TOP1MT: variants seen among roughly 807,000 people sequenced by gnomAD.
The protein encoded by TOP1MT is DNA topoisomerase I, mitochondrial.
Under a neutral mutation model 73.9 loss-of-function variants are expected in TOP1MT, and 80 were observed. That is an observed-to-expected ratio of 1.08 (90% CI 0.90 to 1.30). The LOEUF (loss-of-function observed/expected upper bound fraction) is 1.30, where lower values mean the gene tolerates loss of function less well. TOP1MT is among the 50% of genes most tolerant of loss of function. The pLI, the probability that TOP1MT is intolerant of heterozygous loss-of-function variation, is 0.00. For missense variants in TOP1MT, 815 were observed against 808.0 expected (o/e 1.01, Z -0.10); for synonymous variants, 338 against 326.4 (o/e 1.04, Z -0.38).
chr8:143,343,374 G>A (rs1030540974), intron 1 of TOP1MT: 2 of 432,664 alleles, frequency 4.6e-6, no homozygotes, highest in Non-Finnish European at 4.7e-6. Flanking sequence ...ACAACCTCAT[G>A]GAAGCCTCCC....
upstream of TOP1MT, among the ~76,000 whole-genome samples, chr8:143,359,005 C>A (rs2931711): frequency 8.1e-6 from 1 of 124,098 alleles, no homozygotes; most frequent in Non-Finnish European, 1.5e-5. Flanking sequence ...TTTTTGTTTT[C>A]TGTTTTTTGG....
chr8:143,346,213 C>T (rs999478904), upstream of TOP1MT, among the ~76,000 whole-genome samples: 4 of 152,184 alleles, frequency 2.6e-5, no homozygotes, highest in African/African-American at 9.7e-5. Flanking sequence ...AAGGCAATGC[C>T]AGGCCTCCTG....
chr8:143,342,636 TC>T (rs1367812129), intron 2 of TOP1MT, among the ~76,000 whole-genome samples: 11 of 28,372 alleles, frequency 3.9e-4, no homozygotes, highest in East Asian at 2.7e-3. Flanking sequence ...AGAGACAGTC[TC>T]GCTCTATTAT....
chr8:143,326,257 C>T lies in TOP1MT; in HGVS notation c.448G>A (p.Ala150Thr), dbSNP rs780725810. 37 of 1,613,830 alleles carry T rather than the reference C, an allele frequency of 2.3e-5. No homozygotes were observed. The highest frequency in any genetic ancestry group is 3.0e-5 in the Non-Finnish European group (35 of 1,180,014). ...TCCCTGCTCAGGACTTTCCGGGCTG[C>T]GGCCTTGTCCACAAAGTATCTGTGG... ...EIHRYFVDKA[A>T]ARKVLSREEK... Residue 150 changes from alanine to threonine, a missense_variant, in exon 4 of 14, where the codon GCA (alanine) becomes ACA (threonine). Physicochemically the swap from Ala to Thr is moderately conservative, Grantham distance 58. This residue lies in a region of TOP1MT where 751 missense variants were observed against 725.4 expected (regional missense o/e 1.04). Coordinates refer to ENST00000329245, the MANE Select transcript of TOP1MT (RefSeq NM_052963.3).
At chr8:143,325,935 C>T (rs34617726) in intron 4 of TOP1MT, among the ~76,000 whole-genome samples, 17,347 of 152,238 alleles carry the variant, frequency 0.11, 1,577 homozygotes, top group East Asian at 0.37. Context: ...CAGCAAGAAG[C>T]CGACTGGCCT....
At chr8:143,349,205 C>G (rs1409470950), upstream of TOP1MT, among the ~76,000 whole-genome samples, 1 of 152,118 alleles carries the variant, frequency 6.6e-6, no homozygotes, top group African/African-American at 2.4e-5. Context: ...TATGAAAACT[C>G]ATTATACAAA....
chr8:143,353,963 C>CCAAAAAA (rs1309020931), intron 1 of TOP1MT, among the ~76,000 whole-genome samples: 2 of 47,606 alleles, frequency 4.2e-5, no homozygotes, highest in African/African-American at 2.1e-4. Context: ...GACTCCATCC[C>CCAAAAAA]AAAAAAAAAA....
intron 1 of TOP1MT, among the ~76,000 whole-genome samples, chr8:143,333,161 TA>T (rs1347240806): frequency 1.3e-5 from 2 of 149,886 alleles, no homozygotes; most frequent in Non-Finnish European, 3.0e-5. Context: ...AACTAACTGA[TA>T]GGAGCCAGGC....
Position 143,341,834 on chromosome 8 carries a change from CTCT to C in TOP1MT, c.29+1383_29+1385del, listed in dbSNP as rs1019139905. Among the ~76,000 whole-genome samples the C allele has an allele frequency of 1.5e-5, 2 of 135,520 alleles. No individual in the cohort carries two copies. The highest frequency in any genetic ancestry group is 3.4e-5 in the Non-Finnish European group (2 of 59,644). 88.9% of individuals were successfully genotyped at this position (135,520 alleles called of 152,430 possible). On this transcript the variant is annotated intron_variant, in intron 2 of 5. Transcript: ENST00000518007. This position sits in a 1 kb window ranked among gnomAD's most constrained non-coding sequence, Gnocchi z 4.1. ...AGTGCTTCCTTCTTCCTTCTTCTTC[CTCT>C]TCTTCCTCCTCCTCCTCCTTCCTCT...
At chr8:143,342,747 G>GTTA (rs757521292) in intron 2 of TOP1MT, among the ~76,000 whole-genome samples, 4 of 96,338 alleles carry the variant, frequency 4.2e-5, no homozygotes, top group East Asian at 3.2e-4. Context: ...GTCTCGCTCT[G>GTTA]TTATTATTAT....
chr8:143,340,277 G>C (rs1817053811), intron 2 of TOP1MT, among the ~76,000 whole-genome samples: 1 of 36,766 alleles, frequency 2.7e-5, no homozygotes, highest in African/African-American at 5.8e-5. Context: ...GGTCTACACA[G>C]CATTCCCCCC....
At chr8:143,350,678 G>A (rs772428836) in intron 1 of TOP1MT, among the ~76,000 whole-genome samples, 12 of 152,158 alleles carry the variant, frequency 7.9e-5, no homozygotes, top group African/African-American at 2.9e-4. Flanking sequence ...GAATATCCAC[G>A]GAGTGCTCAA....
chr8:143,323,958 AC>A (rs1448117551), intron 7 of TOP1MT, 40 bp downstream of exon 7: 16 of 1,606,010 alleles, frequency 1.0e-5, no homozygotes, highest in Non-Finnish European at 1.3e-5. Context: ...CGCCAGGAGA[AC>A]CAGGATGAAG....
chr8:143,314,216 C>T (rs1243218860), intron 12 of TOP1MT, among the ~76,000 whole-genome samples: 1 of 152,156 alleles, frequency 6.6e-6, no homozygotes, highest in Non-Finnish European at 1.5e-5. Context: ...ATGACAATCA[C>T]AAACCTCCTT....
Position 143,315,794 on chromosome 8 carries a change from C to T in TOP1MT, c.1486G>A (p.Glu496Lys), listed in dbSNP as rs560639463. The T allele has an allele frequency of 6.2e-7, 1 of 1,613,888 alleles. No homozygotes were observed. Among genetic ancestry groups the T allele is most frequent in the South Asian group, 1.1e-5 (1 of 91,086 alleles). Residue 496 changes from glutamate to lysine, a missense_variant, in exon 12 of 14, where the codon GAG (glutamate) becomes AAG (lysine). Transcript: ENST00000329245. ...KIQAKKEQVA[E>K]ARAELRRARA... ...GCCCTCCTCAGCTCTGCCCTGGCCT[C>T]AGCCACCTGCTCCTTCTTTGCCTGG...
At chr8:143,323,534 C>A (rs1158472220) in intron 7 of TOP1MT, among the ~76,000 whole-genome samples, 1 of 135,350 alleles carries the variant, frequency 7.4e-6, no homozygotes, top group African/African-American at 2.9e-5. Context: ...GCACGCCACA[C>A]ACATGCTCAC....
chr8:143,332,346 A>T (rs556817872), intron 1 of TOP1MT: 24 of 540,634 alleles, frequency 4.4e-5, no homozygotes, highest in Non-Finnish European at 7.4e-5. Flanking sequence ...AGCACCCAGG[A>T]TGGCCAGTGC....
intron 7 of TOP1MT, among the ~76,000 whole-genome samples, chr8:143,322,665 C>CGCCACACACGCAT (rs1816504367): frequency 1.6e-5 from 2 of 123,206 alleles, no homozygotes; most frequent in African/African-American, 3.6e-5. Context: ...CACACACGCA[C>CGCCACACACGCAT]GCCACACACG....
Position 143,315,910 on chromosome 8 carries a change from G to A in TOP1MT, c.1458+89C>T, listed in dbSNP as rs114114910. On this transcript the variant is annotated intron_variant, in intron 11 of 13. Transcript: ENST00000329245. ...CCCTTCCACACCCTACGTGCCCACC[G>A]CAGCTGGCTCCCAGGCCTGTGCCGA... The A allele has an allele frequency of 4.1e-3, 6,627 of 1,606,496 alleles. 216 individuals carry two copies. The African/African-American group carries it at 0.075, about 18-fold the overall frequency.
Sources: gnomAD v4.1 joint callset for allele counts (sites outside exome capture counted in the v4.1 genomes callset) on GRCh38, gnomAD v4.1.1 for gene constraint, gnomAD v4.1.1 regional missense constraint, Gnocchi (gnomAD v3.1) non-coding constraint, MANE v1.5 for transcripts, NCBI Gene and HGNC (gene_info 2026-07-23, HGNC 2026-07-21) for gene names.